SLC8A1: variants seen among roughly 807,000 people sequenced by gnomAD.
SLC8A1 encodes the protein solute carrier family 8 member A1.
Under a neutral mutation model 68.3 loss-of-function variants are expected in SLC8A1, and 18 were observed. The observed-to-expected ratio is 0.26, with a 90% CI of 0.18 to 0.39. SLC8A1 has a LOEUF of 0.39. Ranked by LOEUF, SLC8A1 falls within the 10% of genes least tolerant of loss-of-function variation. The pLI, the probability that SLC8A1 is intolerant of heterozygous loss-of-function variation, is 1.00. For missense variants in SLC8A1, 985 were observed against 1,156.7 expected (o/e 0.85, Z 2.15); for synonymous variants, 475 against 415.5 (o/e 1.14, Z -1.74).
At position 40,116,157 on chromosome 2, in the gene SLC8A1, T is replaced by C. The variant is rs150329977; in HGVS notation, c.2438-528A>G. 1.7e-3 allele frequency among the ~76,000 whole-genome samples: 255 copies of C among 152,246 alleles called. 1 individual carries two copies. The highest frequency in any genetic ancestry group is 5.8e-3 in the African/African-American group (242 of 41,540). ...TAGTTTATAGATGAGAAAGTTAAGA[T>C]GTCGGGAGAGATTTTTCAAGATTCA... On this transcript the variant is annotated intron_variant, in intron 7 of 7. Transcript: ENST00000406785.
chr2:40,489,684 C>A (rs1559766259), intron 1 of SLC8A1, among the ~76,000 whole-genome samples: 2 of 151,676 alleles, frequency 1.3e-5, no homozygotes, highest in African/African-American at 4.8e-5. Context: ...AAGAACAGGC[C>A]CACTCAGCTC....
At chr2:40,465,136 G>A (rs902337478) in intron 1 of SLC8A1, among the ~76,000 whole-genome samples, 1 of 152,088 alleles carries the variant, frequency 6.6e-6, no homozygotes, top group African/African-American at 2.4e-5. Flanking sequence ...AATTCATGGG[G>A]TATTTTATGG....
At chr2:40,445,350 T>C (rs1301983383) in intron 1 of SLC8A1, among the ~76,000 whole-genome samples, 1 of 152,168 alleles carries the variant, frequency 6.6e-6, no homozygotes, top group Non-Finnish European at 1.5e-5. Flanking sequence ...TGAAAAGTCG[T>C]AGTTCCCTTT....
At chr2:40,253,719 C>T (rs1313107185) in intron 2 of SLC8A1, among the ~76,000 whole-genome samples, 5 of 149,978 alleles carry the variant, frequency 3.3e-5, no homozygotes, top group African/African-American at 1.2e-4. Context: ...CCCAGCTACT[C>T]GGGAGGCTGA....
At chr2:40,339,395 A>C (rs1667004889) in intron 2 of SLC8A1, among the ~76,000 whole-genome samples, 1 of 152,202 alleles carries the variant, frequency 6.6e-6, no homozygotes, top group African/African-American at 2.4e-5. Flanking sequence ...TCTGATGAGC[A>C]GTGGCAATCC....
chr2:40,416,008 G>A (rs556052235), intron 2 of SLC8A1, among the ~76,000 whole-genome samples: 17 of 143,050 alleles, frequency 1.2e-4, no homozygotes, highest in African/African-American at 1.6e-4. Flanking sequence ...CTGAGATCAC[G>A]CCACTGCACT....
At chr2:40,374,099 C>G (rs534125508) in intron 2 of SLC8A1, among the ~76,000 whole-genome samples, 1 of 152,178 alleles carries the variant, frequency 6.6e-6, no homozygotes, top group East Asian at 1.9e-4. Context: ...AGGATTAAAA[C>G]CACACAACCA....
chr2:40,411,299 T>C (rs1036164722), intron 2 of SLC8A1, among the ~76,000 whole-genome samples: 1 of 152,058 alleles, frequency 6.6e-6, no homozygotes, highest in African/African-American at 2.4e-5. Context: ...TCAGCAAATA[T>C]TAGCAAAAAC....
intron 2 of SLC8A1, among the ~76,000 whole-genome samples, chr2:40,303,958 T>C (rs2072065207): frequency 6.6e-6 from 1 of 152,198 alleles, no homozygotes; most frequent in African/African-American, 2.4e-5. Flanking sequence ...TAAAATGTTC[T>C]AGGTCATGTT....
At chr2:40,449,723 T>G (rs1576577289) in intron 1 of SLC8A1, among the ~76,000 whole-genome samples, 1 of 152,284 alleles carries the variant, frequency 6.6e-6, no homozygotes, top group South Asian at 2.1e-4. Context: ...GCCTTCATAT[T>G]TTAGTTCATT....
chr2:40,435,814 C>T (rs1025916881), intron 1 of SLC8A1, among the ~76,000 whole-genome samples: 2 of 152,072 alleles, frequency 1.3e-5, no homozygotes, highest in Non-Finnish European at 2.9e-5. Context: ...TTGCTCCTGT[C>T]GCCCAGGCTG....
chr2:40,494,640 AATATATATAT>A (rs34595267), intron 1 of SLC8A1, among the ~76,000 whole-genome samples: 2,839 of 92,548 alleles, frequency 0.031, 63 homozygotes, highest in South Asian at 0.066. Flanking sequence ...CTTAAAGTAT[AATATATATAT>A]ATATATATAT....
chr2:40,411,487 G>C (rs534142248), intron 2 of SLC8A1, among the ~76,000 whole-genome samples: 6 of 151,866 alleles, frequency 4.0e-5, no homozygotes, highest in African/African-American at 1.4e-4. Flanking sequence ...TCCAATTTGA[G>C]AATTTAGCCT....
In SLC8A1 at chr2:40,221,619, A is replaced by T. The variant is rs995895055; in HGVS notation, c.1809-43764T>A. ...CTCTGTTTGCAGATGACATGATTGT[A>T]TATTTAGAAAACCCCAACGTTTCAT... On this transcript the variant is annotated intron_variant, in intron 2 of 7. Coordinates refer to ENST00000406785, the Ensembl canonical transcript of SLC8A1. 2.6e-5 allele frequency among the ~76,000 whole-genome samples: 4 copies of T among 152,214 alleles called. 1 individual carries two copies. In the South Asian group the frequency reaches 8.3e-4, roughly 32 times the overall value.
At chr2:40,429,277 T>C in exon 2 of SLC8A1, 4 of 1,613,974 alleles carry the variant, frequency 2.5e-6, no homozygotes, top group Non-Finnish European at 3.4e-6. Flanking sequence ...TGGATGCTTC[T>C]GCTTAAGTTC....
intron 2 of SLC8A1, among the ~76,000 whole-genome samples, chr2:40,402,365 C>A (rs1376460487): frequency 2.0e-5 from 3 of 152,210 alleles, no homozygotes; most frequent in Middle Eastern, 3.2e-3. Context: ...GAATAATTCA[C>A]CCCTTGGCAT....
chr2:40,468,903 C>A (rs1231081779), intron 1 of SLC8A1, among the ~76,000 whole-genome samples: 1 of 151,786 alleles, frequency 6.6e-6, no homozygotes, highest in Admixed American at 6.6e-5. Context: ...TAGCAAGATC[C>A]CATCTCTATA....
chr2:40,463,143 G>C (rs2149895175), intron 1 of SLC8A1, among the ~76,000 whole-genome samples: 1 of 152,290 alleles, frequency 6.6e-6, no homozygotes, highest in South Asian at 2.1e-4. Flanking sequence ...CTAAGAGAGA[G>C]AGCTAACCTT....
intron 1 of SLC8A1, among the ~76,000 whole-genome samples, chr2:40,469,854 A>G (rs1703904415): frequency 6.6e-6 from 1 of 152,162 alleles, no homozygotes; most frequent in South Asian, 2.1e-4. Flanking sequence ...GTGTTCAGGT[A>G]TCGTCAACTT....
Sources: allele counts gnomAD v4.1 joint callset (sites outside exome capture counted in the v4.1 genomes callset), GRCh38; gene constraint gnomAD v4.1.1; transcripts MANE v1.5; gene names NCBI Gene and HGNC (gene_info 2026-07-23, HGNC 2026-07-21).